Variants in HPS5 observed in about 807,000 individuals in gnomAD.
HPS5 encodes BLOC-2 complex member HPS5.
HPS5 carries 83 observed loss-of-function variants against 128.0 expected under a neutral mutation model. The observed-to-expected ratio is 0.65, with a 90% CI of 0.54 to 0.78. The LOEUF is 0.78. Among genes scored for constraint, HPS5 ranks in the 30% least tolerant of loss-of-function variants. The pLI, the probability that HPS5 is intolerant of heterozygous loss-of-function variation, is 0.00. For missense variants in HPS5, 1,281 were observed against 1,326.2 expected (o/e 0.97, Z 0.53); for synonymous variants, 475 against 470.2 (o/e 1.01, Z -0.13).
intron 16 of HPS5, among the ~76,000 whole-genome samples, chr11:18,288,926 A>G (rs1860067027): frequency 6.6e-6 from 1 of 150,438 alleles, no homozygotes; most frequent in South Asian, 2.1e-4. Flanking sequence ...CTAGGCTGGC[A>G]TGTGTGTGTG....
intron 2 of HPS5, among the ~76,000 whole-genome samples, chr11:18,314,896 T>C (rs1863436357): frequency 6.6e-6 from 1 of 152,102 alleles, no homozygotes; most frequent in African/African-American, 2.4e-5. Flanking sequence ...AGATGGGGTT[T>C]TGCCATATTT....
chr11:18,287,461 G>T, intron 18 of HPS5, 74 bp downstream of exon 18: 1 of 1,518,828 alleles, frequency 6.6e-7, no homozygotes, highest in South Asian at 1.1e-5. Flanking sequence ...TACACAATGT[G>T]ACACCTGCTT....
intron 20 of HPS5, 92 bp from the exon 21 acceptor site, chr11:18,283,993 G>T: frequency 2.5e-6 from 2 of 796,852 alleles, no homozygotes; most frequent in Non-Finnish European, 4.3e-6. Flanking sequence ...GTCACATGTG[G>T]CTATTTCAAT....
chr11:18,295,296 T>A (rs186530056), intron 13 of HPS5, 127 bp from the exon 14 acceptor site: 5 of 744,976 alleles, frequency 6.7e-6, no homozygotes, highest in Non-Finnish European at 1.1e-5. Context: ...AAAGACTGTT[T>A]ATAGCAACTT....
Position 18,291,947 on chromosome 11 carries a change from T to C in HPS5, c.1935A>G (p.Ser645=), listed in dbSNP as rs1351079458. 5.0e-6 allele frequency: 8 copies of C among 1,609,620 alleles called. No homozygotes were observed. The highest frequency in any genetic ancestry group is 1.1e-5 in the South Asian group (1 of 90,242). ...TCATGGCAAATGTTTTTTCTAAATG[T>C]GAAAGCCACTCCTGTAAAACCATTC... ...SLRMVLQEWL[S]HLEKTFAMKD... Residue 645 remains serine, a synonymous_variant, in exon 16 of 23, where the codon TCA becomes TCG. Transcript: ENST00000349215.
At chr11:18,309,393 C>A (rs549382864) in intron 5 of HPS5, among the ~76,000 whole-genome samples, 2 of 152,260 alleles carry the variant, frequency 1.3e-5, no homozygotes, top group South Asian at 4.1e-4. Context: ...ATCCATAATC[C>A]CAGCTACTTG....
In HPS5 at chr11:18,297,106, T is replaced by C. The variant is rs893312327; in HGVS notation, c.1324-122A>G. On this transcript the variant is annotated intron_variant, in intron 11 of 22. Transcript: ENST00000349215. ...AGTTAATAACAACCATTATGGCTTA[T>C]TAGAACAAACTGATGAGCAAGGCTT... 13 of 739,908 alleles carry C rather than the reference T, an allele frequency of 1.8e-5. No homozygotes were observed. The highest frequency in any genetic ancestry group is 1.6e-4 in the African/African-American group (9 of 56,398). The allele number at this position is 739,908 out of a possible 1,614,324, so 45.8% of individuals were successfully genotyped here.
intron 12 of HPS5, chr11:18,296,569 A>T: frequency 1.6e-6 from 1 of 621,122 alleles, no homozygotes; most frequent in Non-Finnish European, 2.9e-6. Flanking sequence ...TTGATGCATG[A>T]TCAAAAACAG....
intron 12 of HPS5, chr11:18,296,512 C>A (rs922023723): frequency 3.4e-6 from 2 of 588,296 alleles, no homozygotes; most frequent in African/African-American, 3.7e-5. Context: ...ATAAAATCTT[C>A]CCACTCTTTT....
intron 19 of HPS5, 50 bp downstream of exon 19, chr11:18,286,541 C>CAAA: frequency 2.5e-6 from 3 of 1,209,368 alleles, no homozygotes; most frequent in Non-Finnish European, 2.3e-6. Flanking sequence ...GATCCTGTCT[C>CAAA]AAAAAAAAAA....
At chr11:18,302,040 C>T (rs1366649966) in intron 8 of HPS5, among the ~76,000 whole-genome samples, 1 of 151,942 alleles carries the variant, frequency 6.6e-6, no homozygotes, top group Non-Finnish European at 1.5e-5. Context: ...CCCAAACTGC[C>T]AAACCCAATA....
Position 18,291,359 on chromosome 11 carries a change from CT to C in HPS5, c.2440+82del, listed in dbSNP as rs201425424. 1,032 of 856,836 alleles carry C rather than the reference CT, an allele frequency of 1.2e-3. 16 individuals carry two copies. In the East Asian group the frequency reaches 0.02, roughly 17 times the overall value. 53.1% of individuals were successfully genotyped at this position (856,836 alleles called of 1,614,324 possible). A position where few individuals can be genotyped will look rare whatever the true frequency, so the allele number is the denominator to read the frequency against. On this transcript the variant is annotated intron_variant, in intron 16 of 22. Transcript: ENST00000349215. ...AACAGATGTGATTTTCTACTTAAAT[CT>C]TTTTTTTAAACCCCAAAATTCAAAA... is the stretch of plus-strand genomic sequence containing the variant.
intron 8 of HPS5, 60 bp downstream of exon 8, chr11:18,305,360 AAC>A: frequency 9.0e-7 from 1 of 1,112,906 alleles, no homozygotes; most frequent in Non-Finnish European, 1.4e-6. Flanking sequence ...CTGAACAAGA[AAC>A]AGAGATAAAA....
chr11:18,288,294 A>C (rs1163094756), intron 16 of HPS5, among the ~76,000 whole-genome samples: 1 of 152,234 alleles, frequency 6.6e-6, no homozygotes, highest in Non-Finnish European at 1.5e-5. Flanking sequence ...ATTACTCTTA[A>C]AATAATGAGT....
chr11:18,287,221 A>T (rs1797605788), intron 18 of HPS5, among the ~76,000 whole-genome samples: 1 of 152,234 alleles, frequency 6.6e-6, no homozygotes, highest in South Asian at 2.1e-4. Context: ...GTCAATAAAA[A>T]GGTGGCAGTG....
intron 22 of HPS5, chr11:18,280,417 G>T (rs1248584237): frequency 1.7e-6 from 1 of 571,662 alleles, no homozygotes; most frequent in Non-Finnish European, 3.1e-6. Flanking sequence ...TGGAGAAATT[G>T]GAACTCTTGT....
At chr11:18,311,723 C>A in intron 3 of HPS5, 191 bp downstream of exon 3, 1 of 630,710 alleles carries the variant, frequency 1.6e-6, no homozygotes, top group Non-Finnish European at 2.9e-6. Context: ...GTTGGCCAGG[C>A]TGGTCTCCAA....
intron 2 of HPS5, among the ~76,000 whole-genome samples, chr11:18,316,944 C>T (rs1289756293): frequency 6.6e-6 from 1 of 152,142 alleles, no homozygotes; most frequent in Non-Finnish European, 1.5e-5. Flanking sequence ...CCTGTAATCC[C>T]AGCACTTTGG....
rs1554944920 is a variant in HPS5, at chr11:18,311,513, T to TA, written c.220-63_220-62insT. On this transcript the variant is annotated intron_variant, in intron 3 of 22. Coordinates refer to ENST00000349215, the MANE Select transcript of HPS5 (RefSeq NM_181507.2). ...AGTTTTACATTATTATTATTATTAT[T>TA]TTTTTTTTTTTTTTTGAGACTGAGT... The TA allele has an allele frequency of 0.036, 21,642 of 597,820 alleles. 280 individuals carry two copies. Among genetic ancestry groups the TA allele is most frequent in the African/African-American group, 0.13 (5,287 of 40,064 alleles). The allele number at this position is 597,820 out of a possible 1,614,324, so 37.0% of individuals were successfully genotyped here.
Sources: gnomAD v4.1 joint callset for allele counts (sites outside exome capture counted in the v4.1 genomes callset) on GRCh38, gnomAD v4.1.1 for gene constraint, MANE v1.5 for transcripts, NCBI Gene and HGNC (gene_info 2026-07-23, HGNC 2026-07-21) for gene names.